CCDC102B: variants seen among roughly 807,000 people sequenced by gnomAD.
The protein encoded by CCDC102B is coiled-coil domain containing 102B.
A neutral mutation model predicts 57.4 loss-of-function variants in CCDC102B; 75 were observed. That is an observed-to-expected ratio of 1.31 (90% confidence interval 1.08 to 1.58). The LOEUF (loss-of-function observed/expected upper bound fraction) is 1.58. Among genes scored for constraint, CCDC102B ranks in the 40% most tolerant of loss-of-function variants. CCDC102B has a pLI of 0.00. For synonymous variants in CCDC102B, 206 were observed against 201.9 expected, an observed-to-expected ratio of 1.02 and a Z score of -0.17; for missense variants, 636 against 582.6, an observed-to-expected ratio of 1.09 and a Z score of -0.94.
At chr18:68,793,590 TATCCATCCATCCATCCATCC>T (rs10628588), upstream of CCDC102B, among the ~76,000 whole-genome samples, 1 of 149,186 alleles carries the variant, frequency 6.7e-6, no homozygotes, top group East Asian at 2.0e-4. Context: ...GTTCATAGAA[TATCCATCCATCCATCCATCC>T]ATCCATCCAT....
Position 69,037,987 on chromosome 18 carries a change from T to C in CCDC102B, c.1435-16043T>C, listed in dbSNP as rs573742799. Among the ~76,000 whole-genome samples the C allele has an allele frequency of 1.9e-4, 29 of 152,152 alleles. 1 individual carries two copies. In the South Asian group the frequency reaches 4.4e-3, roughly 23 times the overall value. On this transcript the variant is annotated intron_variant, in intron 7 of 7. Coordinates refer to ENST00000360242, the MANE Select transcript of CCDC102B (RefSeq NM_024781.3). ...AAACATCCTTCAAATTAAATGTTGATTTTTTATTGTAAATTTTATAAGAGA... is the reference window on the plus strand; with the variant it reads ...AAACATCCTTCAAATTAAATGTTGACTTTTTATTGTAAATTTTATAAGAGA...
At chr18:68,871,568 A>T (rs1259347691) in intron 4 of CCDC102B, among the ~76,000 whole-genome samples, 2 of 152,246 alleles carry the variant, frequency 1.3e-5, no homozygotes, top group Non-Finnish European at 2.9e-5. Flanking sequence ...TAATCTGTTC[A>T]TCAGTTTTCC....
intron 7 of CCDC102B, among the ~76,000 whole-genome samples, chr18:69,018,818 A>T (rs906928006): frequency 6.6e-6 from 1 of 152,060 alleles, no homozygotes; most frequent in African/African-American, 2.4e-5. Flanking sequence ...TTTGGGTATC[A>T]TATTCAAAAA....
chr18:69,022,214 T>C (rs1222883903), intron 7 of CCDC102B, among the ~76,000 whole-genome samples: 1 of 34,490 alleles, frequency 2.9e-5, no homozygotes, highest in Non-Finnish European at 7.8e-5. Flanking sequence ...TATATATATA[T>C]ATATATATAA....
chr18:68,959,127 G>T (rs1025623515), intron 6 of CCDC102B, among the ~76,000 whole-genome samples: 3 of 151,952 alleles, frequency 2.0e-5, no homozygotes, highest in Non-Finnish European at 4.4e-5. Flanking sequence ...TACTTTTTTT[G>T]TACCCATCGT....
At chr18:68,863,003 A>G (rs1479493457) in intron 4 of CCDC102B, among the ~76,000 whole-genome samples, 7 of 151,920 alleles carry the variant, frequency 4.6e-5, no homozygotes, top group Non-Finnish European at 7.4e-5. Context: ...TTATCACTAA[A>G]TATAACAATA....
At chr18:68,967,942 C>A (rs887837842) in intron 6 of CCDC102B, among the ~76,000 whole-genome samples, 1 of 151,944 alleles carries the variant, frequency 6.6e-6, no homozygotes, top group Non-Finnish European at 1.5e-5. Context: ...AAAAAAATTA[C>A]TAATACACTT....
chr18:68,859,763 C>T (rs1599584317), intron 4 of CCDC102B, among the ~76,000 whole-genome samples: 1 of 65,254 alleles, frequency 1.5e-5, no homozygotes, highest in African/African-American at 4.2e-5. Flanking sequence ...TATCATCTCA[C>T]ACCAGTTAGA....
At chr18:68,933,906 T>C (rs766649999) in intron 6 of CCDC102B, among the ~76,000 whole-genome samples, 1 of 151,902 alleles carries the variant, frequency 6.6e-6, no homozygotes, top group Non-Finnish European at 1.5e-5. Flanking sequence ...ACTATGAGTG[T>C]ATCCCAAAGG....
Position 69,036,058 on chromosome 18 carries a change from A to C in CCDC102B, c.1435-17972A>C, listed in dbSNP as rs559650026. On this transcript the variant is annotated intron_variant, in intron 7 of 7. Transcript: ENST00000360242. The stretch of plus-strand genomic sequence containing the variant: ...CCATGGCAGGAGTTGGTCCTGTTCT[A>C]TTGCTAATGGAAAGATGTATTAAAA... 3.9e-5 allele frequency among the ~76,000 whole-genome samples: 6 copies of C among 152,196 alleles called. No individual in the cohort carries two copies. In the South Asian group the frequency reaches 1.2e-3, roughly 32 times the overall value.
intron 6 of CCDC102B, among the ~76,000 whole-genome samples, chr18:68,948,515 T>C (rs1465946187): frequency 2.6e-5 from 4 of 152,122 alleles, no homozygotes; most frequent in Admixed American, 6.6e-5. Flanking sequence ...AATGAAACAT[T>C]GAAGATGGCA....
intron 1 of CCDC102B, among the ~76,000 whole-genome samples, chr18:68,810,326 TAC>T (rs1461661235): frequency 1.3e-5 from 2 of 152,192 alleles, no homozygotes; most frequent in African/African-American, 4.8e-5. Flanking sequence ...TCATATAATG[TAC>T]AGTCATTTGC....
rs78540605 is a variant in CCDC102B, at chr18:68,764,032, T to A, written c.-67+47438T>A. Among the ~76,000 whole-genome samples the A allele has an allele frequency of 1.8e-3, 274 of 152,154 alleles. 3 individuals carry two copies. In the East Asian group the frequency reaches 0.043, roughly 24 times the overall value. On this transcript the variant is annotated intron_variant, in intron 2 of 3. Transcript: ENST00000578970. Reference sequence around the variant, plus strand: ...TTTTTAATCAGGAAATTGAGAGAATTTTCTCAAGATTAGACAGATAATGAT... The same window carrying A: ...TTTTTAATCAGGAAATTGAGAGAATATTCTCAAGATTAGACAGATAATGAT...
chr18:68,941,706 G>C (rs1394440147), intron 6 of CCDC102B, among the ~76,000 whole-genome samples: 2 of 152,052 alleles, frequency 1.3e-5, no homozygotes, highest in African/African-American at 4.8e-5. Flanking sequence ...GTAGCATTAT[G>C]ACTTAGAGGC....
At chr18:68,940,772 C>T (rs910832502) in intron 6 of CCDC102B, among the ~76,000 whole-genome samples, 6 of 151,766 alleles carry the variant, frequency 4.0e-5, no homozygotes, top group African/African-American at 1.4e-4. Flanking sequence ...AACTAGAGGT[C>T]TAGAATTAAT....
chr18:68,918,979 AAG>A (rs1277448533), intron 6 of CCDC102B, among the ~76,000 whole-genome samples: 2 of 152,070 alleles, frequency 1.3e-5, no homozygotes, highest in East Asian at 3.9e-4. Context: ...AAAGGGAAAG[AAG>A]GGAATATACA....
chr18:68,999,916 A>G (rs867606334), intron 6 of CCDC102B, among the ~76,000 whole-genome samples: 2 of 152,190 alleles, frequency 1.3e-5, no homozygotes, highest in Non-Finnish European at 2.9e-5. Context: ...TTTTTGAATG[A>G]CTATAGCAGG....
chr18:68,896,228 T>C (rs986837407), intron 5 of CCDC102B, among the ~76,000 whole-genome samples: 1 of 152,032 alleles, frequency 6.6e-6, no homozygotes, highest in Non-Finnish European at 1.5e-5. Flanking sequence ...TTTCATCTCA[T>C]AATAATAAGC....
At chr18:68,786,996 C>T (rs945493834) in intron 2 of CCDC102B, among the ~76,000 whole-genome samples, 11 of 151,870 alleles carry the variant, frequency 7.2e-5, no homozygotes, top group Non-Finnish European at 1.3e-4. Context: ...TTTTGAGATA[C>T]GTCCCATCAA....
Sources: gnomAD v4.1 joint callset for allele counts (sites outside exome capture counted in the v4.1 genomes callset) on GRCh38, gnomAD v4.1.1 for gene constraint, MANE v1.5 for transcripts, NCBI Gene and HGNC (gene_info 2026-07-23, HGNC 2026-07-21) for gene names.